The following NEK1 variants were observed in gnomAD, a reference collection of about 807,000 sequenced individuals.
The protein encoded by NEK1 is NIMA related kinase 1.
Under a neutral mutation model 182.1 loss-of-function variants are expected in NEK1, and 137 were observed. The ratio of observed to expected loss-of-function variants is 0.75; its 90% CI spans 0.65 to 0.87. NEK1 has a LOEUF of 0.87. NEK1 is among the 40% of genes least tolerant of loss of function. The pLI is 0.00. For missense variants in NEK1, 1,391 were observed against 1,494.4 expected, an observed-to-expected ratio of 0.93 and a Z score of 1.14; for synonymous variants, 513 against 492.2, an observed-to-expected ratio of 1.04 and a Z score of -0.56.
intron 31 of NEK1, among the ~76,000 whole-genome samples, chr4:169,411,286 A>ATTTTTTTTT (rs869305455): frequency 7.2e-6 from 1 of 138,308 alleles, no homozygotes; most frequent in Non-Finnish European, 1.6e-5. Flanking sequence ...ATCTGACTCT[A>ATTTTTTTTT]TTTTTTTTTT....
At chr4:169,492,276 CA>C (rs1288084983) in intron 23 of NEK1, among the ~76,000 whole-genome samples, 1 of 152,128 alleles carries the variant, frequency 6.6e-6, no homozygotes, top group Admixed American at 6.5e-5. Flanking sequence ...GAAGGAAGAT[CA>C]AAATTACTGG....
intron 27 of NEK1, among the ~76,000 whole-genome samples, chr4:169,445,257 GAAACAA>G (rs778720908): frequency 6.6e-6 from 1 of 151,870 alleles, no homozygotes; most frequent in Non-Finnish European, 1.5e-5. Flanking sequence ...TGTCACTACT[GAAACAA>G]AAACAAAAAC....
At chr4:169,552,750 G>C (rs1761616501) in intron 18 of NEK1, among the ~76,000 whole-genome samples, 1 of 152,062 alleles carries the variant, frequency 6.6e-6, no homozygotes, top group African/African-American at 2.4e-5. Context: ...TTGCAGGATA[G>C]AAGGTTAATA....
At chr4:169,509,468 C>T (rs1753845605) in intron 19 of NEK1, among the ~76,000 whole-genome samples, 1 of 152,110 alleles carries the variant, frequency 6.6e-6, no homozygotes, top group African/African-American at 2.4e-5. Context: ...TCTTTAGTCC[C>T]ACTTTCCTGT....
At chr4:169,507,495 A>T (rs1328938270) in intron 22 of NEK1, among the ~76,000 whole-genome samples, 1 of 152,106 alleles carries the variant, frequency 6.6e-6, no homozygotes, top group Non-Finnish European at 1.5e-5. Flanking sequence ...TACTTATATG[A>T]TAGTTTCATG....
chr4:169,394,427 G>A lies in NEK1; in HGVS notation c.*83C>T. 1.2e-6 allele frequency: 1 copy of A among 829,998 alleles called. No individual in the cohort carries two copies. Among genetic ancestry groups the A allele is most frequent in the South Asian group, 1.7e-5 (1 of 58,344 alleles). 51.4% of individuals were successfully genotyped at this position (829,998 alleles called of 1,614,324 possible). On this transcript the variant is annotated 3_prime_UTR_variant, in exon 36 of 36. Coordinates refer to ENST00000507142, the MANE Select transcript of NEK1 (RefSeq NM_001199397.3). The stretch of plus-strand genomic sequence containing the variant: ...CTGATTTTTTAAATAAATAATTGCT[G>A]TATTTCCCACTGAAGCTTGTTATTC...
At chr4:169,536,274 G>T (rs1196261869) in intron 19 of NEK1, among the ~76,000 whole-genome samples, 1 of 145,250 alleles carries the variant, frequency 6.9e-6, no homozygotes, top group African/African-American at 2.6e-5. Context: ...TCTAGCCTGG[G>T]TGACAGAGTG....
intron 19 of NEK1, among the ~76,000 whole-genome samples, chr4:169,537,555 G>T (rs1758707502): frequency 6.6e-6 from 1 of 152,088 alleles, no homozygotes; most frequent in Non-Finnish European, 1.5e-5. Context: ...GAAGGATACA[G>T]GTATGAACTT....
chr4:169,432,899 G>A (rs774793039), intron 29 of NEK1, among the ~76,000 whole-genome samples: 1 of 151,970 alleles, frequency 6.6e-6, no homozygotes, highest in South Asian at 2.1e-4. Context: ...TCAGCCTCCT[G>A]AGTACCTGGG....
At chr4:169,473,359 G>C (rs1746368469) in intron 26 of NEK1, among the ~76,000 whole-genome samples, 1 of 151,896 alleles carries the variant, frequency 6.6e-6, no homozygotes, top group East Asian at 1.9e-4. Flanking sequence ...AAAGGGGAGA[G>C]GCTGGGCAGG....
intron 32 of NEK1, among the ~76,000 whole-genome samples, chr4:169,405,845 C>G (rs1353050219): frequency 6.6e-6 from 1 of 152,020 alleles, no homozygotes. Flanking sequence ...AGCTCATGCC[C>G]GTAATCCTAG....
intron 31 of NEK1, among the ~76,000 whole-genome samples, chr4:169,407,878 T>C (rs949718294): frequency 6.6e-6 from 1 of 152,262 alleles, no homozygotes; most frequent in African/African-American, 2.4e-5. Context: ...TTTCCATTAT[T>C]TGAACATAAT....
chr4:169,570,694 A>G (rs1353575822), intron 12 of NEK1, among the ~76,000 whole-genome samples: 2 of 152,172 alleles, frequency 1.3e-5, no homozygotes, highest in African/African-American at 2.4e-5. Flanking sequence ...CGGCTCATTG[A>G]GAACCAGCTA....
At chr4:169,549,050 C>T (rs1761001544) in intron 18 of NEK1, among the ~76,000 whole-genome samples, 1 of 152,194 alleles carries the variant, frequency 6.6e-6, no homozygotes, top group South Asian at 2.1e-4. Flanking sequence ...TCGGTGTCTG[C>T]CCAAACGGCA....
intron 26 of NEK1, among the ~76,000 whole-genome samples, chr4:169,468,847 G>A (rs1745404775): frequency 6.6e-6 from 1 of 151,964 alleles, no homozygotes; most frequent in Non-Finnish European, 1.5e-5. Context: ...TTAGTCTTGG[G>A]AGGGTGTATA....
intron 31 of NEK1, among the ~76,000 whole-genome samples, chr4:169,416,623 G>T (rs1426824565): frequency 6.6e-6 from 1 of 152,246 alleles, no homozygotes; most frequent in Non-Finnish European, 1.5e-5. Flanking sequence ...AGCACATGTG[G>T]CTGGGCATGG....
At chr4:169,571,240 C>T (rs1022271563) in intron 12 of NEK1, among the ~76,000 whole-genome samples, 6 of 150,948 alleles carry the variant, frequency 4.0e-5, no homozygotes, top group Non-Finnish European at 7.4e-5. Flanking sequence ...AAAGCTTAGC[C>T]TGGTTGCGGT....
chr4:169,505,746 A>G (rs947516111), intron 23 of NEK1, among the ~76,000 whole-genome samples: 3 of 152,244 alleles, frequency 2.0e-5, no homozygotes, highest in Non-Finnish European at 4.4e-5. Context: ...GTTGTAGGCT[A>G]AAACCCAGAA....
chr4:169,456,077 C>T (rs1186789796), intron 27 of NEK1, among the ~76,000 whole-genome samples: 1 of 152,060 alleles, frequency 6.6e-6, no homozygotes, highest in Non-Finnish European at 1.5e-5. Context: ...GGAAACTATA[C>T]AAACACATGG....
Sources: allele counts gnomAD v4.1 joint callset (sites outside exome capture counted in the v4.1 genomes callset), GRCh38; gene constraint gnomAD v4.1.1; transcripts MANE v1.5; gene names NCBI Gene and HGNC (gene_info 2026-07-23, HGNC 2026-07-21).